EYA2: variants seen among roughly 807,000 people sequenced by gnomAD.
EYA2 encodes the protein protein phosphatase EYA2.
A neutral mutation model predicts 69.2 loss-of-function variants in EYA2; 31 were observed. The observed-to-expected ratio is 0.45, with a 90% CI of 0.34 to 0.60. The LOEUF (loss-of-function observed/expected upper bound fraction) is 0.60. EYA2 is among the 20% of genes least tolerant of loss of function. The pLI is 0.02. For missense variants in EYA2, 622 were observed against 701.2 expected (o/e 0.89, Z 1.28); for synonymous variants, 257 against 279.4 (o/e 0.92, Z 0.80).
Position 47,135,838 on chromosome 20 carries a change from A to C in EYA2, c.889-7221A>C, listed in dbSNP as rs1435569515. ...CTCTACAAAAAAAAAAAAAAAAAAAAAAACAAACAAACAAACAAAAAACTA... is the reference window on the plus strand; with the variant it reads ...CTCTACAAAAAAAAAAAAAAAAAAACAAACAAACAAACAAACAAAAAACTA... On this transcript the variant is annotated intron_variant, in intron 9 of 15. Coordinates refer to ENST00000327619, the MANE Select transcript of EYA2 (RefSeq NM_005244.5). 4.9e-3 allele frequency among the ~76,000 whole-genome samples: 400 copies of C among 81,610 alleles called. 2 individuals are homozygous for C. Among genetic ancestry groups the C allele is most frequent in the African/African-American group, 0.022 (260 of 12,088 alleles). 53.5% of individuals were successfully genotyped at this position (81,610 alleles called of 152,430 possible). A position where few individuals can be genotyped will look rare whatever the true frequency, so the allele number is the denominator to read the frequency against.
At chr20:46,990,425 T>C (rs989219541) in intron 2 of EYA2, among the ~76,000 whole-genome samples, 5 of 152,142 alleles carry the variant, frequency 3.3e-5, no homozygotes, top group African/African-American at 1.2e-4. Context: ...GGCCCAGCCC[T>C]TGGATGTGTT....
At chr20:46,944,784 A>G (rs768410719) in intron 1 of EYA2, among the ~76,000 whole-genome samples, 1 of 152,028 alleles carries the variant, frequency 6.6e-6, no homozygotes, top group Non-Finnish European at 1.5e-5. Context: ...TGCTACATTT[A>G]TTTTTTCCTG....
chr20:47,181,561 T>C (rs1160450308), intron 14 of EYA2, among the ~76,000 whole-genome samples: 1 of 152,140 alleles, frequency 6.6e-6, no homozygotes, highest in Non-Finnish European at 1.5e-5. Flanking sequence ...CAATCTGGAA[T>C]GCAGTGGCGA....
At chr20:47,103,663 C>T (rs2032493428) in intron 9 of EYA2, among the ~76,000 whole-genome samples, 1 of 151,874 alleles carries the variant, frequency 6.6e-6, no homozygotes, top group Non-Finnish European at 1.5e-5. Context: ...TAGTGACAAC[C>T]CACCCACCCA....
chr20:47,058,695 C>G (rs2030748412), intron 5 of EYA2, among the ~76,000 whole-genome samples: 1 of 152,208 alleles, frequency 6.6e-6, no homozygotes, highest in Middle Eastern at 3.4e-3. Flanking sequence ...AAATAAATAT[C>G]CAGGTATGGT....
chr20:47,034,578 C>T (rs1350790633), intron 5 of EYA2, among the ~76,000 whole-genome samples: 1 of 152,168 alleles, frequency 6.6e-6, no homozygotes, highest in African/African-American at 2.4e-5. Flanking sequence ...CCCAACTTTG[C>T]AATTCAGAGG....
At chr20:47,075,935 ATAAG>A (rs896745612) in intron 7 of EYA2, among the ~76,000 whole-genome samples, 1 of 152,210 alleles carries the variant, frequency 6.6e-6, no homozygotes, top group Non-Finnish European at 1.5e-5. Context: ...GCTCCCACTT[ATAAG>A]TAAGAACATG....
intron 12 of EYA2, 70 bp from the exon 13 acceptor site, chr20:47,179,728 C>T (rs2034501422): frequency 9.0e-7 from 1 of 1,113,900 alleles, no homozygotes; most frequent in South Asian, 1.3e-5. Context: ...TAGCTAGATT[C>T]CTGTTCCCTA....
chr20:47,013,095 TAGTC>T (rs537379180), intron 4 of EYA2, among the ~76,000 whole-genome samples: 1 of 152,240 alleles, frequency 6.6e-6, no homozygotes, highest in Non-Finnish European at 1.5e-5. Flanking sequence ...TTTTCTTTCA[TAGTC>T]ATTCATTTAC....
At chr20:47,186,606 G>A (rs542492930) in intron 15 of EYA2, among the ~76,000 whole-genome samples, 5 of 152,030 alleles carry the variant, frequency 3.3e-5, no homozygotes, top group East Asian at 1.9e-4. Flanking sequence ...TAGTCCACCC[G>A]CCTTGGCCTC....
rs2033613024 is a variant in EYA2, at chr20:47,142,299, A to G, written c.889-760A>G. Among the ~76,000 whole-genome samples, 3 of 152,342 alleles carry G rather than the reference A, an allele frequency of 2.0e-5. No homozygotes were observed. In the Middle Eastern group the frequency reaches 0.01, roughly 518 times the overall value. On this transcript the variant is annotated intron_variant, in intron 9 of 15. Coordinates refer to ENST00000327619, the MANE Select transcript of EYA2 (RefSeq NM_005244.5). ...AGCACCTCAGGGAGGGACCCCAAAT[A>G]TGGGTGAACAGCAGTACAGTCTACC...
At chr20:47,151,600 G>A (rs1336662972) in intron 10 of EYA2, among the ~76,000 whole-genome samples, 1 of 151,776 alleles carries the variant, frequency 6.6e-6, no homozygotes, top group Non-Finnish European at 1.5e-5. Flanking sequence ...AAGGTCCAAG[G>A]CCTCGCCAGT....
intron 5 of EYA2, among the ~76,000 whole-genome samples, chr20:47,063,000 G>A (rs554930945): frequency 2.6e-5 from 4 of 152,146 alleles, no homozygotes; most frequent in Non-Finnish European, 5.9e-5. Context: ...AAGCCTGGGA[G>A]ACAGGCCATG....
chr20:47,044,751 C>T (rs1484940667), intron 5 of EYA2, among the ~76,000 whole-genome samples: 1 of 152,140 alleles, frequency 6.6e-6, no homozygotes, highest in Non-Finnish European at 1.5e-5. Context: ...GATATTTCTC[C>T]CATTTTGTAA....
intron 8 of EYA2, among the ~76,000 whole-genome samples, chr20:47,093,564 C>G (rs1285899174): frequency 1.3e-5 from 2 of 152,250 alleles, no homozygotes; most frequent in Admixed American, 6.5e-5. Context: ...AACTCTTCCC[C>G]TCTCTGGGCA....
At chr20:47,076,157 A>G (rs967913552) in intron 7 of EYA2, among the ~76,000 whole-genome samples, 3 of 152,254 alleles carry the variant, frequency 2.0e-5, no homozygotes, top group African/African-American at 7.2e-5. Context: ...TGCTGCAATG[A>G]ACATACACAT....
At chr20:47,144,374 AAAAG>A (rs896041386) in intron 10 of EYA2, among the ~76,000 whole-genome samples, 2 of 152,136 alleles carry the variant, frequency 1.3e-5, no homozygotes, top group Non-Finnish European at 2.9e-5. Flanking sequence ...AAAAGAAAGA[AAAAG>A]AAAGGCAATC....
In EYA2 at chr20:47,080,440, AG is replaced by A. The variant is rs552230739; in HGVS notation, c.661+6111del. ...AGGAAGGGAGGGAGGGAAATGAGGG[AG>A]GGGGGAGGGAGGGAAATGAGGGAGG... On this transcript the variant is annotated intron_variant, in intron 7 of 15. Transcript: ENST00000327619. Among the ~76,000 whole-genome samples, 250 of 86,600 alleles carry A rather than the reference AG, an allele frequency of 2.9e-3. 1 individual carries two copies. Among genetic ancestry groups the A allele is most frequent in the African/African-American group, 0.011 (231 of 20,498 alleles). 56.8% of individuals were successfully genotyped at this position (86,600 alleles called of 152,430 possible).
At chr20:46,987,265 G>A (rs1441500123) in intron 1 of EYA2, among the ~76,000 whole-genome samples, 1 of 152,102 alleles carries the variant, frequency 6.6e-6, no homozygotes, top group African/African-American at 2.4e-5. Context: ...CTTTACCTAT[G>A]GACACTGAAA....
Sources: allele counts gnomAD v4.1 joint callset (sites outside exome capture counted in the v4.1 genomes callset), GRCh38; gene constraint gnomAD v4.1.1; transcripts MANE v1.5; gene names NCBI Gene and HGNC (gene_info 2026-07-23, HGNC 2026-07-21).